Variants in MX1 observed in about 807,000 individuals in gnomAD.
MX1 encodes MX dynamin like GTPase 1, also known as interferon-induced GTP-binding protein Mx1.
A neutral mutation model predicts 66.4 loss-of-function variants in MX1; 66 were observed. The observed-to-expected ratio is 0.99, with a 90% confidence interval of 0.82 to 1.22. The LOEUF (loss-of-function observed/expected upper bound fraction) is 1.22. Among genes scored for constraint, MX1 ranks in the 50% most tolerant of loss-of-function variants. The pLI, the probability that MX1 is intolerant of heterozygous loss-of-function variation, is 0.00. For missense variants in MX1, 787 were observed against 834.3 expected, an observed-to-expected ratio of 0.94 and a Z score of 0.70; for synonymous variants, 311 against 318.1, an observed-to-expected ratio of 0.98 and a Z score of 0.24.
At chr21:41,458,445 C>A (rs954889321) in intron 16 of MX1, 83 bp from the exon 17 acceptor site, 8 of 1,502,966 alleles carry the variant, frequency 5.3e-6, no homozygotes, top group South Asian at 3.8e-5. Context: ...GAATCTGGAT[C>A]CCCTCATGTG....
In MX1 at chr21:41,435,198, T is replaced by C. The variant is rs566297080; in HGVS notation, c.106-639T>C. ...CTGGCTGCTCCTAACATTTTCTCTT[T>C]ATTACTGGTTTTGAGCAATTTGACC... On this transcript the variant is annotated intron_variant, in intron 5 of 16. Coordinates refer to ENST00000398598, the MANE Select transcript of MX1 (RefSeq NM_002462.5). 4.6e-5 allele frequency among the ~76,000 whole-genome samples: 7 copies of C among 152,344 alleles called. No homozygotes were observed. The South Asian group carries it at 1.4e-3, about 32-fold the overall frequency.
At chr21:41,437,595 C>G (rs977406053) in intron 7 of MX1, among the ~76,000 whole-genome samples, 4 of 152,216 alleles carry the variant, frequency 2.6e-5, no homozygotes, top group Non-Finnish European at 5.9e-5. Context: ...GAGCCGTGAT[C>G]TTGCTACGGC....
In MX1 at chr21:41,445,484, A is replaced by G. The variant is rs762162252; in HGVS notation, c.1045A>G (p.Thr349Ala). The G allele has an allele frequency of 1.2e-6, 2 of 1,613,980 alleles. No homozygotes were observed. The highest frequency in any genetic ancestry group is 1.7e-6 in the Non-Finnish European group (2 of 1,179,932). ...LPLLENQIKE[T>A]HQRITEELQK... Reference sequence around the variant, plus strand: ...CCTGTTAGAAAATCAAATCAAGGAGACTCACCAGAGAATAACAGAGGAGCT... The same window carrying G: ...CCTGTTAGAAAATCAAATCAAGGAGGCTCACCAGAGAATAACAGAGGAGCT... Residue 349 changes from threonine to alanine, a missense_variant, in exon 12 of 17, where the codon ACT (threonine) becomes GCT (alanine). Physicochemically the swap from Thr to Ala is moderately conservative, Grantham distance 58. Coordinates refer to ENST00000398598, the MANE Select transcript of MX1 (RefSeq NM_002462.5).
At chr21:41,445,140 A>T (rs1226866689) in intron 11 of MX1, among the ~76,000 whole-genome samples, 1 of 152,170 alleles carries the variant, frequency 6.6e-6, no homozygotes, top group East Asian at 1.9e-4. Context: ...AGTTTACCTA[A>T]TATGACCACA....
At position 41,441,337 on chromosome 21, in the gene MX1, A is replaced by C; in HGVS notation, c.730+312A>C. ...CTAGGTTGCCTTGTAAGCCTTATCTACTTGCTCAGAAAGGCACAGTGGGCT... is the reference window on the plus strand; with the variant it reads ...CTAGGTTGCCTTGTAAGCCTTATCTCCTTGCTCAGAAAGGCACAGTGGGCT... On this transcript the variant is annotated intron_variant, in intron 9 of 16. Coordinates refer to ENST00000398598, the MANE Select transcript of MX1 (RefSeq NM_002462.5). The surrounding 1 kb of genome is among the most constrained non-coding windows in gnomAD (Gnocchi z 4.0). 1 of 432,678 alleles carries C rather than the reference A, an allele frequency of 2.3e-6. No individual in the cohort carries two copies. The highest frequency in any genetic ancestry group is 4.3e-6 in the Non-Finnish European group (1 of 233,378). 26.8% of individuals were successfully genotyped at this position (432,678 alleles called of 1,614,324 possible).
At chr21:41,430,060 A>G (rs897741379) in intron 3 of MX1, 3 of 152,246 alleles carry the variant, frequency 2.0e-5, no homozygotes, top group African/African-American at 7.2e-5. Flanking sequence ...CCAAGGCAGC[A>G]TGAACCCATG....
chr21:41,429,261 G>C (rs752193649), intron 3 of MX1: 2 of 152,158 alleles, frequency 1.3e-5, no homozygotes, highest in African/African-American at 4.8e-5. Context: ...CTGATGTTCC[G>C]AATGATCAGG....
At chr21:41,443,751 A>G in intron 10 of MX1, 37 bp from the exon 11 acceptor site, 1 of 1,601,026 alleles carries the variant, frequency 6.2e-7, no homozygotes. Context: ...TGTTCTGGCT[A>G]CATCAAGGTG....
intron 5 of MX1, among the ~76,000 whole-genome samples, chr21:41,433,219 C>T (rs768043160): frequency 6.6e-6 from 1 of 152,236 alleles, no homozygotes; most frequent in Non-Finnish European, 1.5e-5. Flanking sequence ...ACCAGCCCCT[C>T]CTCCCACTCT....
At chr21:41,451,273 A>G in intron 15 of MX1, 30 bp downstream of exon 15, 1 of 1,407,972 alleles carries the variant, frequency 7.1e-7, no homozygotes, top group Non-Finnish European at 9.9e-7. Context: ...GTTTAAAAAA[A>G]AAAAAGAAAA....
chr21:41,456,823 G>A (rs1601547046), intron 16 of MX1, among the ~76,000 whole-genome samples: 1 of 151,920 alleles, frequency 6.6e-6, no homozygotes, highest in African/African-American at 2.4e-5. Flanking sequence ...GTGCAGTGGC[G>A]CAGTCTCAGC....
In MX1 at chr21:41,435,766, A is replaced by T. The variant is rs180834888; in HGVS notation, c.106-71A>T. On this transcript the variant is annotated intron_variant, in intron 5 of 16. Transcript: ENST00000398598. ...AATTCGAGATGAGATTTGGGTAGGGACACAGAACCAAACCATATCATGAGC... is the reference window on the plus strand; with the variant it reads ...AATTCGAGATGAGATTTGGGTAGGGTCACAGAACCAAACCATATCATGAGC... 6,053 of 1,514,050 alleles carry T rather than the reference A, an allele frequency of 4.0e-3. 23 individuals carry two copies. Among genetic ancestry groups the T allele is most frequent in the Non-Finnish European group, 5.2e-3 (5,738 of 1,110,078 alleles). The allele number at this position is 1,514,050 out of a possible 1,614,324, so 93.8% of individuals were successfully genotyped here. A position where few individuals can be genotyped will look rare whatever the true frequency, so the allele number is the denominator to read the frequency against.
intron 12 of MX1, 89 bp from the exon 13 acceptor site, chr21:41,445,911 C>T: frequency 6.6e-7 from 1 of 1,515,144 alleles, no homozygotes; most frequent in Non-Finnish European, 9.0e-7. Flanking sequence ...GAATGACTCC[C>T]CACCCTCCAC....
rs901873414 is a variant in MX1, at chr21:41,446,077, G to C, written c.1209G>C (p.Leu403=). ...CTGTAGGGGAGGAAGACATTCGGCT[G>C]TTTACCAGACTCCGACACGAGTTCC... ...EETVGEEDIR[L]FTRLRHEFHK... is the part of the protein sequence containing the mutation. The change falls in exon 13 of 17, where the codon CTG becomes CTC. Residue 403 remains leucine (L), a synonymous_variant. Transcript: ENST00000398598. 2 of 1,614,074 alleles carry C rather than the reference G, an allele frequency of 1.2e-6. No homozygotes were observed. Among genetic ancestry groups the C allele is most frequent in the Non-Finnish European group, 8.5e-7 (1 of 1,180,030 alleles).
rs202214097 is a variant in MX1, at chr21:41,432,142, A to T, written c.72A>T (p.Gly24=). The change falls in exon 5 of 17, where the codon GGA becomes GGT. Residue 24 remains glycine (G), a synonymous_variant. Transcript: ENST00000398598. ...CATCCCACCCTCTATTACTGAATGG[A>T]GATGCTACTGTGGCCCAGAAAAATC... ...AAASHPLLLN[G]DATVAQKNPG... is the part of the protein sequence containing the mutation. The T allele has an allele frequency of 2.5e-6, 4 of 1,614,128 alleles. No homozygotes were observed. In the East Asian group the frequency reaches 8.9e-5, roughly 36 times the overall value.
In MX1 at chr21:41,427,186, A is replaced by T. The variant is rs975073605; in HGVS notation, c.-308-20A>T. 1.5e-4 allele frequency: 23 copies of T among 152,264 alleles called. No homozygotes were observed. Among genetic ancestry groups the T allele is most frequent in the African/African-American group, 4.1e-4 (17 of 41,540 alleles). 9.4% of individuals were successfully genotyped at this position (152,264 alleles called of 1,614,324 possible). On this transcript the variant is annotated intron_variant, in intron 1 of 16. Coordinates refer to ENST00000398598, the MANE Select transcript of MX1 (RefSeq NM_002462.5). ...GTGTCAGTCCCAAAGGGCTCCTAAA[A>T]TGGCTGTGTCATCTTTCAGCCTTGG...
intron 16 of MX1, among the ~76,000 whole-genome samples, chr21:41,454,794 T>C (rs1439660078): frequency 6.6e-6 from 1 of 152,188 alleles, no homozygotes; most frequent in Non-Finnish European, 1.5e-5. Context: ...GCCTTACTAT[T>C]TGGATGCTTT....
intron 3 of MX1, chr21:41,428,784 T>C (rs2090135079): frequency 6.6e-6 from 1 of 152,252 alleles, no homozygotes; most frequent in Admixed American, 6.5e-5. Flanking sequence ...TTATTGTTTC[T>C]AAAGAAAGAA....
intron 3 of MX1, chr21:41,428,879 CA>C (rs886150172): frequency 6.6e-6 from 1 of 152,234 alleles, no homozygotes; most frequent in African/African-American, 2.4e-5. Context: ...ATCATGGGCA[CA>C]AACCTGCCCT....
Sources: allele counts gnomAD v4.1 joint callset (sites outside exome capture counted in the v4.1 genomes callset), GRCh38; gene constraint gnomAD v4.1.1; non-coding constraint Gnocchi (gnomAD v3.1); transcripts MANE v1.5; gene names NCBI Gene and HGNC (gene_info 2026-07-23, HGNC 2026-07-21).